DNM2: variants seen among roughly 807,000 people sequenced by gnomAD.
The protein encoded by DNM2 is dynamin-2.
Under a neutral mutation model 99.0 loss-of-function variants are expected in DNM2, and 15 were observed. The ratio of observed to expected loss-of-function variants is 0.15; its 90% CI spans 0.10 to 0.23. The LOEUF is 0.23. Among genes scored for constraint, DNM2 ranks in the 10% least tolerant of loss-of-function variants. The probability of loss-of-function intolerance (pLI) is 1.00; values close to 1 mark genes in which losing one functional copy is unlikely to be tolerated. For synonymous variants in DNM2, 525 were observed against 481.2 expected (o/e 1.09, Z -1.19); for missense variants, 742 against 1,189.4 (o/e 0.62, Z 5.53).
chr19:10,802,249 C>T, intron 11 of DNM2, 39 bp from the exon 12 acceptor site: 1 of 1,611,964 alleles, frequency 6.2e-7, no homozygotes, highest in East Asian at 2.2e-5. Flanking sequence ...CCTTGCCAGG[C>T]TTGGCCTTGT....
intron 1 of DNM2, among the ~76,000 whole-genome samples, chr19:10,735,969 C>A (rs1318767813): frequency 6.6e-6 from 1 of 152,102 alleles, no homozygotes; most frequent in Non-Finnish European, 1.5e-5. Flanking sequence ...TCTTTCTTCT[C>A]TTTTTAGATA....
At chr19:10,785,182 A>G (rs1173934111) in intron 6 of DNM2, among the ~76,000 whole-genome samples, 2 of 151,834 alleles carry the variant, frequency 1.3e-5, no homozygotes, top group Non-Finnish European at 1.5e-5. Flanking sequence ...CAGTGGCACA[A>G]TCTCGGCTCA....
chr19:10,826,895 A>AG (rs1480999675), intron 18 of DNM2, among the ~76,000 whole-genome samples: 3 of 152,134 alleles, frequency 2.0e-5, no homozygotes, highest in Non-Finnish European at 4.4e-5. Context: ...TCAAAAAAAA[A>AG]GTGTCTTGGG....
chr19:10,734,125 T>C (rs2069436069), intron 1 of DNM2, among the ~76,000 whole-genome samples: 1 of 151,446 alleles, frequency 6.6e-6, no homozygotes, highest in Admixed American at 6.6e-5. Flanking sequence ...GAGGCCAAGG[T>C]GGGTGGATCA....
intron 1 of DNM2, among the ~76,000 whole-genome samples, chr19:10,722,836 A>G (rs2068983519): frequency 1.3e-5 from 2 of 151,950 alleles, no homozygotes; most frequent in South Asian, 4.2e-4. Context: ...TGTGTTGCCC[A>G]GGCTGGTCTC....
intron 15 of DNM2, among the ~76,000 whole-genome samples, chr19:10,815,899 C>G (rs1229727695): frequency 1.3e-5 from 2 of 152,094 alleles, no homozygotes; most frequent in African/African-American, 2.4e-5. Context: ...GGCTGGGGGG[C>G]CCCGGCTGGC....
rs1442794369 is a variant in DNM2, at chr19:10,746,734, G to GTT, written c.162-12991_162-12990dup. The stretch of plus-strand genomic sequence containing the variant: ...CGTGCCGGCTTTTTTTTTGTTTTTT[G>GTT]TTTTTTTTTTTTTTGAGACAGTCTC... On this transcript the variant is annotated intron_variant, in intron 1 of 20. Coordinates refer to ENST00000389253, the MANE Select transcript of DNM2 (RefSeq NM_001005361.3). Among the ~76,000 whole-genome samples the GTT allele has an allele frequency of 2.4e-4, 30 of 123,104 alleles. 3 individuals carry two copies. The highest frequency in any genetic ancestry group is 2.2e-3 in the East Asian group (8 of 3,612). The allele number at this position is 123,104 out of a possible 152,430, so 80.8% of individuals were successfully genotyped here.
chr19:10,808,698 C>A, intron 14 of DNM2, 118 bp downstream of exon 14: 4 of 1,310,848 alleles, frequency 3.1e-6, no homozygotes, highest in South Asian at 1.3e-5. Flanking sequence ...TACTAAAAAT[C>A]GAGCTAACCT....
chr19:10,759,098 C>T (rs909160296), intron 1 of DNM2, among the ~76,000 whole-genome samples: 2 of 152,164 alleles, frequency 1.3e-5, no homozygotes, highest in African/African-American at 2.4e-5. Flanking sequence ...TGGGCCACCA[C>T]GCCCAGCTAA....
intron 14 of DNM2, chr19:10,810,476 C>G (rs1323027638): frequency 6.6e-6 from 1 of 152,490 alleles, no homozygotes; most frequent in African/African-American, 2.4e-5. Context: ...CACCTCAGGG[C>G]TTCTGCCAGA....
rs202126669 is a variant in DNM2, at chr19:10,746,988, C to T, written c.162-12750C>T. Among the ~76,000 whole-genome samples the T allele has an allele frequency of 1.1e-4, 16 of 151,662 alleles. No individual in the cohort carries two copies. In the East Asian group the frequency reaches 2.7e-3, roughly 26 times the overall value. On this transcript the variant is annotated intron_variant, in intron 1 of 20. Coordinates refer to ENST00000389253, the MANE Select transcript of DNM2 (RefSeq NM_001005361.3). ...CTGACCTCGGGTGATCTGCCCGCCT[C>T]GGCCCCGCAAAGTGCTGAGATTACA...
In DNM2 at chr19:10,731,961, T is replaced by A. The variant is rs1039018974; in HGVS notation, c.161+13558T>A. Among the ~76,000 whole-genome samples, 8 of 151,580 alleles carry A rather than the reference T, an allele frequency of 5.3e-5. 1 individual carries two copies. Among genetic ancestry groups the A allele is most frequent in the South Asian group, 4.2e-4 (2 of 4,800 alleles). Reference sequence around the variant, plus strand: ...ATTGATGCACAGGCTTGATTTTTTTTTTTTTTTTTTGAGACGGAGTTTCGC... The same window carrying A: ...ATTGATGCACAGGCTTGATTTTTTTATTTTTTTTTTGAGACGGAGTTTCGC... On this transcript the variant is annotated intron_variant, in intron 1 of 20. Transcript: ENST00000389253.
At chr19:10,738,260 A>AAAATAAAT (rs556305780) in intron 1 of DNM2, among the ~76,000 whole-genome samples, 2 of 151,982 alleles carry the variant, frequency 1.3e-5, no homozygotes, top group Non-Finnish European at 1.5e-5. Flanking sequence ...TCCATCTCAA[A>AAAATAAAT]AAATAAATAA....
chr19:10,815,178 C>T (rs564037571), intron 15 of DNM2, among the ~76,000 whole-genome samples: 1 of 152,286 alleles, frequency 6.6e-6, no homozygotes, highest in South Asian at 2.1e-4. Flanking sequence ...CCTGTTGCCA[C>T]CTTAACACAG....
At chr19:10,758,128 C>A (rs2070463361) in intron 1 of DNM2, among the ~76,000 whole-genome samples, 1 of 152,098 alleles carries the variant, frequency 6.6e-6, no homozygotes, top group Admixed American at 6.6e-5. Flanking sequence ...TTCCTGTCTT[C>A]CTCCTTGCTG....
chr19:10,787,555 A>G (rs2071604439), intron 7 of DNM2, among the ~76,000 whole-genome samples: 1 of 151,338 alleles, frequency 6.6e-6, no homozygotes, highest in South Asian at 2.1e-4. Context: ...TCACCAGGTC[A>G]GGAGATTGAG....
intron 1 of DNM2, among the ~76,000 whole-genome samples, chr19:10,743,976 A>T (rs539248522): frequency 3.4e-5 from 5 of 148,170 alleles, no homozygotes; most frequent in African/African-American, 1.3e-4. Context: ...GCAGAGCGAG[A>T]CTGTTTCCAG....
At chr19:10,802,421 G>T in intron 12 of DNM2, 63 bp downstream of exon 12, 2 of 1,576,840 alleles carry the variant, frequency 1.3e-6, no homozygotes, top group East Asian at 2.2e-5. Context: ...ATCCAAGGAG[G>T]TGACTGAGTT....
chr19:10,782,852 T>C, intron 5 of DNM2, 108 bp from the exon 6 acceptor site: 1 of 1,468,646 alleles, frequency 6.8e-7, no homozygotes, highest in Non-Finnish European at 9.5e-7. Context: ...CAGCTGTGAG[T>C]GCCTCGTGGG....
Sources: gnomAD v4.1 joint callset for allele counts (sites outside exome capture counted in the v4.1 genomes callset) on GRCh38, gnomAD v4.1.1 for gene constraint, MANE v1.5 for transcripts, NCBI Gene and HGNC (gene_info 2026-07-23, HGNC 2026-07-21) for gene names.